Variants in PRKG1 observed in about 807,000 individuals in gnomAD.
The protein encoded by PRKG1 is cGMP-dependent protein kinase 1.
A neutral mutation model predicts 88.1 loss-of-function variants in PRKG1; 35 were observed. The observed-to-expected ratio is 0.40, with a 90% confidence interval of 0.30 to 0.53. The LOEUF is 0.53. Ranked by LOEUF, PRKG1 falls within the 20% of genes least tolerant of loss-of-function variation. The probability of loss-of-function intolerance (pLI) is 0.59; values close to 1 mark genes in which losing one functional copy is unlikely to be tolerated. For missense variants in PRKG1, 540 were observed against 839.8 expected, an observed-to-expected ratio of 0.64 and a Z score of 4.41; for synonymous variants, 303 against 292.5, an observed-to-expected ratio of 1.04 and a Z score of -0.37.
At chr10:51,461,540 G>T (rs16918331) in intron 2 of PRKG1, among the ~76,000 whole-genome samples, 5,170 of 152,206 alleles carry the variant, frequency 0.034, 96 homozygotes, top group Admixed American at 0.058. Context: ...AATGTCCAAA[G>T]AATGATTTTC....
At chr10:51,631,217 CT>C (rs1424733816) in intron 3 of PRKG1, among the ~76,000 whole-genome samples, 17 of 152,172 alleles carry the variant, frequency 1.1e-4, no homozygotes, top group African/African-American at 4.1e-4. Context: ...GTCTTTCCCC[CT>C]CTTCAAAGAA....
chr10:52,094,845 G>T (rs557607383), intron 7 of PRKG1, among the ~76,000 whole-genome samples: 85 of 152,222 alleles, frequency 5.6e-4, no homozygotes, highest in African/African-American at 1.9e-3. Flanking sequence ...TACCTCCCAA[G>T]ACCCCATCTC....
intron 5 of PRKG1, among the ~76,000 whole-genome samples, chr10:51,991,297 C>T (rs1017086361): frequency 1.3e-5 from 2 of 152,030 alleles, no homozygotes. Context: ...AATTTTAATT[C>T]CTCCATTCCA....
Position 52,044,282 on chromosome 10 carries a change from A to T in PRKG1, c.763-10202A>T, listed in dbSNP as rs2133235790. Among the ~76,000 whole-genome samples, 3 of 152,284 alleles carry T rather than the reference A, an allele frequency of 2.0e-5. No individual in the cohort carries two copies. In the East Asian group the frequency reaches 5.8e-4, roughly 29 times the overall value. On this transcript the variant is annotated intron_variant, in intron 5 of 17. Coordinates refer to ENST00000373980, the MANE Select transcript of PRKG1 (RefSeq NM_006258.4). ...ATTGCCTTTTGTCATAATGTGGGAA[A>T]GGTAAGGCAGAAGATTGAGGAAGAA...
chr10:51,109,368 A>G (rs1038715571), intron 1 of PRKG1, among the ~76,000 whole-genome samples: 1 of 152,252 alleles, frequency 6.6e-6, no homozygotes, highest in African/African-American at 2.4e-5. Flanking sequence ...GTTGGCATAA[A>G]TATAGGCAAA....
chr10:52,270,356 C>A (rs1443417142), intron 10 of PRKG1, among the ~76,000 whole-genome samples: 1 of 152,066 alleles, frequency 6.6e-6, no homozygotes, highest in African/African-American at 2.4e-5. Context: ...TTGACCCAGC[C>A]ATCCCATTAC....
At chr10:52,244,412 C>A (rs950605162) in intron 9 of PRKG1, among the ~76,000 whole-genome samples, 1 of 151,712 alleles carries the variant, frequency 6.6e-6, no homozygotes, top group Admixed American at 6.6e-5. Flanking sequence ...TGATTGATGA[C>A]TTGATTATAG....
chr10:51,571,903 A>C (rs991881844), intron 3 of PRKG1, among the ~76,000 whole-genome samples: 1 of 151,862 alleles, frequency 6.6e-6, no homozygotes, highest in Non-Finnish European at 1.5e-5. Context: ...CCCTGAGAAA[A>C]GTACTGGCTT....
At chr10:51,221,328 A>G (rs1454719411) in intron 2 of PRKG1, among the ~76,000 whole-genome samples, 1 of 152,114 alleles carries the variant, frequency 6.6e-6, no homozygotes, top group African/African-American at 2.4e-5. Context: ...AAGTGACTAA[A>G]GGGAGTTTAA....
intron 2 of PRKG1, among the ~76,000 whole-genome samples, chr10:51,252,639 T>C (rs1251754368): frequency 6.6e-6 from 1 of 151,798 alleles, no homozygotes; most frequent in Non-Finnish European, 1.5e-5. Flanking sequence ...ACTTGAACAC[T>C]TCTTATAGTA....
At chr10:52,075,978 T>C (rs1167267920) in intron 7 of PRKG1, among the ~76,000 whole-genome samples, 2 of 152,152 alleles carry the variant, frequency 1.3e-5, no homozygotes, top group Non-Finnish European at 2.9e-5. Flanking sequence ...AATATACACA[T>C]ATAAATTTAA....
chr10:51,870,413 C>T (rs1841126695), intron 4 of PRKG1, among the ~76,000 whole-genome samples: 1 of 145,974 alleles, frequency 6.9e-6, no homozygotes, highest in Admixed American at 6.6e-5. Flanking sequence ...CTTCCTTTCA[C>T]CGTCCATCTG....
chr10:52,093,511 C>CA (rs149815368), intron 7 of PRKG1, among the ~76,000 whole-genome samples: 22,258 of 152,060 alleles, frequency 0.15, 1,915 homozygotes, highest in South Asian at 0.28. Context: ...GCCTCAAAAA[C>CA]AAAATCAATG....
chr10:51,601,861 G>C (rs1026409337), intron 3 of PRKG1, among the ~76,000 whole-genome samples: 2 of 146,616 alleles, frequency 1.4e-5, no homozygotes, highest in Non-Finnish European at 3.0e-5. Flanking sequence ...GTTATAACTT[G>C]AGTGGATTCC....
chr10:51,513,387 A>T (rs1026754281), intron 3 of PRKG1, among the ~76,000 whole-genome samples: 29 of 118,630 alleles, frequency 2.4e-4, no homozygotes, highest in African/African-American at 9.1e-4. Flanking sequence ...ACTCCCACAC[A>T]TTAATAATGG....
intron 8 of PRKG1, among the ~76,000 whole-genome samples, chr10:52,151,345 T>C (rs1837910101): frequency 6.6e-6 from 1 of 152,068 alleles, no homozygotes. Context: ...ATACCAAAAT[T>C]TGGAGAAAAA....
At chr10:52,161,689 T>G (rs1472733384) in intron 8 of PRKG1, among the ~76,000 whole-genome samples, 200 bp from the exon 9 acceptor site, 3 of 152,128 alleles carry the variant, frequency 2.0e-5, no homozygotes, top group Non-Finnish European at 4.4e-5. Flanking sequence ...GCAAATAATG[T>G]AGAAGAGGTC....
intron 2 of PRKG1, among the ~76,000 whole-genome samples, chr10:51,394,313 C>A (rs1367105578): frequency 6.6e-6 from 1 of 152,192 alleles, no homozygotes; most frequent in Middle Eastern, 3.2e-3. Flanking sequence ...AGGGATCTGA[C>A]AGTAGAACCT....
intron 4 of PRKG1, among the ~76,000 whole-genome samples, chr10:51,894,605 C>T (rs79998275): frequency 0.056 from 8,578 of 152,226 alleles, 295 homozygotes; most frequent in Middle Eastern, 0.11. Context: ...GGAACCTACC[C>T]TATGACCTCT....
Sources: allele counts gnomAD v4.1 joint callset (sites outside exome capture counted in the v4.1 genomes callset), GRCh38; gene constraint gnomAD v4.1.1; transcripts MANE v1.5; gene names NCBI Gene and HGNC (gene_info 2026-07-23, HGNC 2026-07-21).